Variants in FAM110B observed in about 807,000 individuals in gnomAD.
FAM110B encodes the protein family with sequence similarity 110 member B, also known as protein FAM110B.
A neutral mutation model predicts 20.4 loss-of-function variants in FAM110B; 6 were observed. The ratio of observed to expected loss-of-function variants is 0.29; its 90% confidence interval spans 0.16 to 0.58. FAM110B has a LOEUF of 0.58. FAM110B is among the 20% of genes least tolerant of loss of function. FAM110B has a pLI of 0.90. For synonymous variants in FAM110B, 226 were observed against 214.1 expected, an observed-to-expected ratio of 1.06 and a Z score of -0.49; for missense variants, 434 against 498.2, an observed-to-expected ratio of 0.87 and a Z score of 1.23.
chr8:58,001,209 A>G (rs1259514866), intron 1 of FAM110B, among the ~76,000 whole-genome samples: 1 of 151,924 alleles, frequency 6.6e-6, no homozygotes, highest in African/African-American at 2.4e-5. Context: ...ATTGGTGGAG[A>G]GTAGTACAGT....
chr8:58,105,218 C>T (rs1168750433), intron 3 of FAM110B, among the ~76,000 whole-genome samples: 2 of 152,056 alleles, frequency 1.3e-5, no homozygotes, highest in South Asian at 2.1e-4. Context: ...GCTGGATACA[C>T]GCAGGTTTCA....
At chr8:58,059,972 T>G (rs1805622931) in intron 2 of FAM110B, among the ~76,000 whole-genome samples, 1 of 152,226 alleles carries the variant, frequency 6.6e-6, no homozygotes, top group South Asian at 2.1e-4. Flanking sequence ...AATTCCTTCA[T>G]GATCATTTAT....
intron 1 of FAM110B, among the ~76,000 whole-genome samples, chr8:58,005,263 G>A (rs78048628): frequency 0.02 from 2,975 of 152,282 alleles, 105 homozygotes; most frequent in African/African-American, 0.067. Flanking sequence ...GCGGGGAGCA[G>A]TCAGTGGAGC....
At position 58,114,092 on chromosome 8, in the gene FAM110B, TA is replaced by T. The variant is rs370274481; in HGVS notation, c.-324-31813del. Among the ~76,000 whole-genome samples, 352 of 152,298 alleles carry T rather than the reference TA, an allele frequency of 2.3e-3. 2 individuals are homozygous for T. The highest frequency in any genetic ancestry group is 0.012 in the South Asian group (60 of 4,828). ...TCTTTAATGAGCATGCCCTCTCTCTTAAGAGAAAGAACAATCACTCAAGGGC... is the reference window on the plus strand; with the variant it reads ...TCTTTAATGAGCATGCCCTCTCTCTTAGAGAAAGAACAATCACTCAAGGGC... On this transcript the variant is annotated intron_variant, in intron 3 of 3. Coordinates refer to ENST00000519262, the MANE Select transcript of FAM110B (RefSeq NM_001377989.1).
rs538614634 is a variant in FAM110B, at chr8:58,074,077, C to T, written c.-413-1458C>T. Among the ~76,000 whole-genome samples, 13 of 152,248 alleles carry T rather than the reference C, an allele frequency of 8.5e-5. No individual in the cohort carries two copies. The East Asian group carries it at 1.5e-3, about 18-fold the overall frequency. ...TTACTTTTTCAAACCCTGTAAAATG[C>T]GCAGGCTTTACTTTTCCCACCCTCC... On this transcript the variant is annotated intron_variant, in intron 2 of 3. Transcript: ENST00000519262.
At chr8:58,093,255 T>G (rs1806531672) in intron 3 of FAM110B, among the ~76,000 whole-genome samples, 1 of 152,206 alleles carries the variant, frequency 6.6e-6, no homozygotes, top group Non-Finnish European at 1.5e-5. Context: ...TTAGTTTAAT[T>G]AGATCCCATT....
At chr8:58,135,992 G>A (rs905070353) in intron 3 of FAM110B, among the ~76,000 whole-genome samples, 2 of 145,068 alleles carry the variant, frequency 1.4e-5, no homozygotes, top group Non-Finnish European at 3.0e-5. Context: ...ACTTACAGTA[G>A]CCAGCAAGTC....
chr8:58,093,668 A>T lies in FAM110B; in HGVS notation c.-325+18045A>T, dbSNP rs1806543701. On this transcript the variant is annotated intron_variant, in intron 3 of 3. Coordinates refer to ENST00000519262, the MANE Select transcript of FAM110B (RefSeq NM_001377989.1). ...TACTGTAGCCTTGTAGTATAGTTTGAAGTCAGCTAGCATGATGCCTCCAGC... is the reference window on the plus strand; with the variant it reads ...TACTGTAGCCTTGTAGTATAGTTTGTAGTCAGCTAGCATGATGCCTCCAGC... Among the ~76,000 whole-genome samples, 4 of 152,258 alleles carry T rather than the reference A, an allele frequency of 2.6e-5. No individual in the cohort carries two copies. The South Asian group carries it at 8.3e-4, about 32-fold the overall frequency.
chr8:58,093,010 T>A (rs560904266), intron 3 of FAM110B, among the ~76,000 whole-genome samples: 1 of 152,158 alleles, frequency 6.6e-6, no homozygotes, highest in South Asian at 2.1e-4. Flanking sequence ...ATGATGAACT[T>A]TCCTTCATAT....
chr8:58,066,762 G>C (rs1805776271), intron 2 of FAM110B, among the ~76,000 whole-genome samples: 1 of 152,178 alleles, frequency 6.6e-6, no homozygotes, highest in Non-Finnish European at 1.5e-5. Context: ...TTCTCTGCCT[G>C]CAGTGACTTC....
At chr8:58,058,322 C>A (rs1805587912) in intron 2 of FAM110B, among the ~76,000 whole-genome samples, 1 of 120,210 alleles carries the variant, frequency 8.3e-6, no homozygotes, top group Non-Finnish European at 1.7e-5. Context: ...AGAACGATAT[C>A]AGAGACAAAA....
chr8:58,082,446 A>G (rs554054906), intron 3 of FAM110B, among the ~76,000 whole-genome samples: 1 of 152,234 alleles, frequency 6.6e-6, no homozygotes, highest in East Asian at 1.9e-4. Flanking sequence ...TTTAATCACC[A>G]TTTATTCATC....
intron 3 of FAM110B, among the ~76,000 whole-genome samples, chr8:58,094,818 G>A (rs1274366027): frequency 1.3e-5 from 2 of 152,162 alleles, no homozygotes; most frequent in Non-Finnish European, 2.9e-5. Context: ...AGTTTCACAA[G>A]GAATGGTACC....
At position 58,147,105 on chromosome 8, in the gene FAM110B, G is replaced by A; in HGVS notation, c.875G>A (p.Gly292Glu). The A allele has an allele frequency of 6.2e-7, 1 of 1,614,166 alleles. No homozygotes were observed. Among genetic ancestry groups the A allele is most frequent in the Non-Finnish European group, 8.5e-7 (1 of 1,180,036 alleles). ...GLDPEELENLGMENFARANSD... is the reference protein window; with the variant it reads ...GLDPEELENLEMENFARANSD... ...GACCCGGAAGAGCTGGAAAACCTGGGAATGGAAAACTTTGCAAGGGCTAAT... is the reference window on the plus strand; with the variant it reads ...GACCCGGAAGAGCTGGAAAACCTGGAAATGGAAAACTTTGCAAGGGCTAAT... Residue 292 changes from glycine to glutamate, a missense_variant, in exon 4 of 4, where the codon GGA becomes GAA. Coordinates refer to ENST00000519262, the MANE Select transcript of FAM110B (RefSeq NM_001377989.1).
chr8:58,107,221 A>G (rs547130138), intron 3 of FAM110B, among the ~76,000 whole-genome samples: 7 of 152,352 alleles, frequency 4.6e-5, no homozygotes, highest in African/African-American at 1.2e-4. Context: ...TATTGATTAC[A>G]GAACTTGACT....
At chr8:58,124,018 A>T (rs897013728) in intron 3 of FAM110B, among the ~76,000 whole-genome samples, 4 of 152,238 alleles carry the variant, frequency 2.6e-5, no homozygotes, top group Admixed American at 6.5e-5. Flanking sequence ...TATCTTTTAT[A>T]TCTCTGCTAG....
At chr8:58,062,284 C>T (rs1365560967) in intron 2 of FAM110B, among the ~76,000 whole-genome samples, 4 of 152,038 alleles carry the variant, frequency 2.6e-5, no homozygotes, top group South Asian at 2.1e-4. Flanking sequence ...TTATGCATGG[C>T]GTAACATTTC....
chr8:58,141,489 C>G (rs1207571934), intron 3 of FAM110B, among the ~76,000 whole-genome samples: 1 of 152,204 alleles, frequency 6.6e-6, no homozygotes, highest in Non-Finnish European at 1.5e-5. Context: ...CAATACCCCC[C>G]TTTTCCTGCT....
chr8:58,003,233 T>C (rs1011075434), intron 1 of FAM110B, among the ~76,000 whole-genome samples: 5 of 152,184 alleles, frequency 3.3e-5, no homozygotes, highest in Middle Eastern at 3.2e-3. Flanking sequence ...TTCAGTCACA[T>C]CTTCAGGCTC....
Sources: gnomAD v4.1 joint callset for allele counts (sites outside exome capture counted in the v4.1 genomes callset) on GRCh38, gnomAD v4.1.1 for gene constraint, MANE v1.5 for transcripts, NCBI Gene and HGNC (gene_info 2026-07-23, HGNC 2026-07-21) for gene names.